Variants in CLCN3 observed in about 807,000 individuals in gnomAD.
CLCN3 encodes the protein H(+)/Cl(-) exchange transporter 3.
A neutral mutation model predicts 83.4 loss-of-function variants in CLCN3; 16 were observed. The ratio of observed to expected loss-of-function variants is 0.19; its 90% CI spans 0.13 to 0.29. The LOEUF is 0.29. Ranked by LOEUF, CLCN3 falls within the 10% of genes least tolerant of loss-of-function variation. The pLI, the probability that CLCN3 is intolerant of heterozygous loss-of-function variation, is 1.00. For missense variants in CLCN3, 544 were observed against 1,006.0 expected (o/e 0.54, Z 6.21); for synonymous variants, 322 against 346.2 (o/e 0.93, Z 0.78).
chr4:169,708,872 C>T (rs1354212531), intron 11 of CLCN3, among the ~76,000 whole-genome samples: 26 of 151,020 alleles, frequency 1.7e-4, no homozygotes, highest in Non-Finnish European at 5.9e-5. Flanking sequence ...AATGTTTTAC[C>T]GTGTATGTTT....
intron 1 of CLCN3, among the ~76,000 whole-genome samples, chr4:169,627,514 T>C (rs906178219): frequency 5.9e-5 from 9 of 152,154 alleles, no homozygotes; most frequent in African/African-American, 2.2e-4. Context: ...CCATATCTTA[T>C]TCATTACCCT....
chr4:169,621,058 T>G lies in CLCN3; in HGVS notation c.-22T>G, dbSNP rs1773100697. ...CACCGATTTTGCTATGTCTCTGAGC[T>G]GCGAGGTGAGTTGCATTGTATGAGC... On this transcript the variant is annotated 5_prime_UTR_variant, in exon 1 of 13. Transcript: ENST00000513761. The G allele has an allele frequency of 2.5e-6, 1 of 397,280 alleles. No homozygotes were observed. Among genetic ancestry groups the G allele is most frequent in the African/African-American group, 2.1e-5 (1 of 48,626 alleles). 24.6% of individuals were successfully genotyped at this position (397,280 alleles called of 1,614,324 possible).
intron 2 of CLCN3, chr4:169,660,314 T>C: frequency 7.3e-7 from 1 of 1,364,614 alleles, no homozygotes; most frequent in Non-Finnish European, 9.4e-7. Flanking sequence ...CACTTTCTTT[T>C]TAAGCTAGCA....
chr4:169,629,759 CAGAT>C (rs1386835800), intron 1 of CLCN3, among the ~76,000 whole-genome samples: 1 of 152,090 alleles, frequency 6.6e-6, no homozygotes, highest in Non-Finnish European at 1.5e-5. Context: ...CAATGGCAGA[CAGAT>C]ATTAAATAAT....
rs192708820 is a variant in CLCN3, at chr4:169,673,440, C to T, written c.161-6610C>T. On this transcript the variant is annotated intron_variant, in intron 2 of 12. Transcript: ENST00000513761. ...GTCTGTACTTTTCCACTTCGTCATT[C>T]GTAAGTCTTTGCAGAAATTCATATT... Among the ~76,000 whole-genome samples the T allele has an allele frequency of 1.9e-3, 287 of 152,252 alleles. 1 individual carries two copies. Among genetic ancestry groups the T allele is most frequent in the African/African-American group, 6.4e-3 (264 of 41,566 alleles).
Position 169,717,972 on chromosome 4 carries a change from A to G in CLCN3, c.2367-1935A>G, listed in dbSNP as rs1733488513. The G allele has an allele frequency of 4.5e-6, 3 of 660,992 alleles. No individual in the cohort carries two copies. In the South Asian group the frequency reaches 6.3e-5, roughly 14 times the overall value. The allele number at this position is 660,992 out of a possible 1,614,324, so 40.9% of individuals were successfully genotyped here. A position where few individuals can be genotyped will look rare whatever the true frequency, so the allele number is the denominator to read the frequency against. On this transcript the variant is annotated intron_variant, in intron 12 of 12. Transcript: ENST00000513761. Reference sequence around the variant, plus strand: ...CTTTCCCAGATATCTGCTGAACAAAAATATCCTACTATGCTGCCAATTACA... The same window carrying G: ...CTTTCCCAGATATCTGCTGAACAAAGATATCCTACTATGCTGCCAATTACA...
At chr4:169,685,967 G>A (rs975391786) in intron 3 of CLCN3, among the ~76,000 whole-genome samples, 9 of 152,114 alleles carry the variant, frequency 5.9e-5, no homozygotes, top group African/African-American at 1.9e-4. Context: ...TTAGTGGGGC[G>A]TTGTGACTTC....
intron 9 of CLCN3, among the ~76,000 whole-genome samples, chr4:169,701,947 A>G (rs763274001): frequency 2.6e-5 from 4 of 152,070 alleles, no homozygotes; most frequent in Non-Finnish European, 5.9e-5. Flanking sequence ...CTGGAGTTGT[A>G]TGCATGCTTA....
At chr4:169,631,870 G>A (rs1581187114) in intron 1 of CLCN3, among the ~76,000 whole-genome samples, 1 of 152,158 alleles carries the variant, frequency 6.6e-6, no homozygotes, top group African/African-American at 2.4e-5. Flanking sequence ...ATTAAATCAG[G>A]ATGAAATTGA....
chr4:169,690,751 AGTTT>A, intron 6 of CLCN3, 99 bp downstream of exon 6: 5 of 1,182,098 alleles, frequency 4.2e-6, no homozygotes, highest in Non-Finnish European at 5.9e-6. Context: ...GGGAGGGGAT[AGTTT>A]GTTCATAATA....
chr4:169,645,417 A>G (rs1290728686), intron 2 of CLCN3, among the ~76,000 whole-genome samples: 2 of 152,188 alleles, frequency 1.3e-5, no homozygotes, highest in East Asian at 3.8e-4. Flanking sequence ...TTTCTTCATG[A>G]TGGAATTTGG....
At chr4:169,632,456 G>T (rs1277132469) in intron 1 of CLCN3, among the ~76,000 whole-genome samples, 1 of 152,114 alleles carries the variant, frequency 6.6e-6, no homozygotes, top group Non-Finnish European at 1.5e-5. Flanking sequence ...GGGGCCAGGC[G>T]CGGTGGCTCA....
chr4:169,679,106 C>G (rs1479933492), intron 2 of CLCN3, among the ~76,000 whole-genome samples: 1 of 146,626 alleles, frequency 6.8e-6, no homozygotes, highest in African/African-American at 2.5e-5. Context: ...GGGCGGCTGC[C>G]GGGCGGAGGG....
intron 2 of CLCN3, among the ~76,000 whole-genome samples, chr4:169,672,321 A>G (rs1731499313): frequency 6.6e-6 from 1 of 152,028 alleles, no homozygotes; most frequent in Non-Finnish European, 1.5e-5. Context: ...TGTATTTTTA[A>G]TGAAGTCGGG....
In CLCN3 at chr4:169,689,008, T is replaced by A. The variant is rs1158559128; in HGVS notation, c.419-35T>A. Reference sequence around the variant, plus strand: ...TGTTCTCGACTCCCAAAAAATTGACTTAATTTTTTTACCATCTCCAACATG... The same window carrying A: ...TGTTCTCGACTCCCAAAAAATTGACATAATTTTTTTACCATCTCCAACATG... On this transcript the variant is annotated intron_variant, in intron 4 of 12. Coordinates refer to ENST00000513761, the MANE Select transcript of CLCN3 (RefSeq NM_001829.4). The A allele has an allele frequency of 3.8e-6, 6 of 1,594,526 alleles. No homozygotes were observed. The African/African-American group carries it at 8.1e-5, about 22-fold the overall frequency.
intron 1 of CLCN3, among the ~76,000 whole-genome samples, chr4:169,629,220 T>C (rs1036267047): frequency 6.6e-6 from 1 of 152,232 alleles, no homozygotes; most frequent in African/African-American, 2.4e-5. Flanking sequence ...ATTGTGATAT[T>C]GTACTATAGT....
intron 2 of CLCN3, among the ~76,000 whole-genome samples, chr4:169,647,547 A>T (rs1730610726): frequency 6.6e-6 from 1 of 152,152 alleles, no homozygotes; most frequent in Non-Finnish European, 1.5e-5. Context: ...AAAACAAAGG[A>T]TGGGGGCACA....
intron 11 of CLCN3, among the ~76,000 whole-genome samples, chr4:169,712,643 ACT>A (rs1560875654): frequency 6.6e-6 from 1 of 152,190 alleles, no homozygotes; most frequent in East Asian, 1.9e-4. Flanking sequence ...CAAGAATGAA[ACT>A]CTCTTTAGTG....
chr4:169,699,903 A>G (rs1001822743), intron 9 of CLCN3, among the ~76,000 whole-genome samples: 1 of 152,090 alleles, frequency 6.6e-6, no homozygotes, highest in Non-Finnish European at 1.5e-5. Flanking sequence ...ATAAGAAGAA[A>G]ATAATAATAG....
Sources: allele counts gnomAD v4.1 joint callset (sites outside exome capture counted in the v4.1 genomes callset), GRCh38; gene constraint gnomAD v4.1.1; transcripts MANE v1.5; gene names NCBI Gene and HGNC (gene_info 2026-07-23, HGNC 2026-07-21).